Variants in CACNA2D3 observed in about 807,000 individuals in gnomAD.
CACNA2D3 encodes voltage-dependent calcium channel subunit alpha-2/delta-3.
CACNA2D3 carries 60 observed loss-of-function variants against 160.6 expected under a neutral mutation model. The observed-to-expected ratio is 0.37, with a 90% CI of 0.30 to 0.46. The LOEUF (loss-of-function observed/expected upper bound fraction) is 0.46, where lower values mean the gene tolerates loss of function less well. Among genes scored for constraint, CACNA2D3 ranks in the 20% least tolerant of loss-of-function variants. The probability of loss-of-function intolerance (pLI) is 1.00; values close to 1 mark genes in which losing one functional copy is unlikely to be tolerated. For synonymous variants in CACNA2D3, 558 were observed against 492.9 expected, an observed-to-expected ratio of 1.13 and a Z score of -1.75; for missense variants, 1,205 against 1,365.0, an observed-to-expected ratio of 0.88 and a Z score of 1.85.
chr3:54,693,362 C>G (rs1700602928), intron 11 of CACNA2D3, among the ~76,000 whole-genome samples: 1 of 152,304 alleles, frequency 6.6e-6, no homozygotes, highest in Admixed American at 6.5e-5. Context: ...CTGCAGCCAT[C>G]CTGACATGTT....
intron 11 of CACNA2D3, among the ~76,000 whole-genome samples, chr3:54,703,782 C>T (rs1700809448): frequency 6.6e-6 from 1 of 152,136 alleles, no homozygotes; most frequent in South Asian, 2.1e-4. Flanking sequence ...GGCAAGCTCA[C>T]AGTAGAGCAC....
At chr3:54,231,346 TC>T (rs2107392803) in intron 2 of CACNA2D3, among the ~76,000 whole-genome samples, 1 of 152,346 alleles carries the variant, frequency 6.6e-6, no homozygotes, top group South Asian at 2.1e-4. Context: ...GAAGCACAGA[TC>T]CACCATACCT....
At chr3:54,451,422 G>C (rs1410441624) in intron 4 of CACNA2D3, among the ~76,000 whole-genome samples, 1 of 151,326 alleles carries the variant, frequency 6.6e-6, no homozygotes, top group Non-Finnish European at 1.5e-5. Context: ...GCTAATTTTT[G>C]TATTTTTAAA....
At chr3:54,126,677 CTG>C (rs1232049132) in intron 2 of CACNA2D3, among the ~76,000 whole-genome samples, 3 of 152,102 alleles carry the variant, frequency 2.0e-5, no homozygotes, top group Non-Finnish European at 4.4e-5. Context: ...TGGGACTTGT[CTG>C]TGGGCGCTGG....
rs756607664 is a variant in CACNA2D3, at chr3:55,018,299, C to G, written c.2969C>G (p.Ala990Gly). ...RTIKETTGNIACEDCSKSFVI... is the reference protein window; with the variant it reads ...RTIKETTGNIGCEDCSKSFVI... ...ATCAAGGAGACTACAGGGAATATTG[C>G]TTGTGAAGACTGCTCCAAGTAAGCC... The change falls in exon 35 of 38, where the codon GCT (alanine) becomes GGT (glycine). Residue 990 changes from alanine to glycine, a missense_variant. By Grantham distance (60) the Ala-to-Gly change is moderately conservative. Around this residue, in one of 3 missense-constraint regions of CACNA2D3, gnomAD observed 911 missense variants for 1,002.2 expected, o/e 0.91. Coordinates refer to ENST00000474759, the MANE Select transcript of CACNA2D3 (RefSeq NM_018398.3). 1 of 1,608,074 alleles carries G rather than the reference C, an allele frequency of 6.2e-7. No homozygotes were observed. Among genetic ancestry groups the G allele is most frequent in the South Asian group, 1.1e-5 (1 of 90,734 alleles).
chr3:54,553,802 A>C (rs1446466643), intron 5 of CACNA2D3, among the ~76,000 whole-genome samples: 1 of 152,212 alleles, frequency 6.6e-6, no homozygotes, highest in Non-Finnish European at 1.5e-5. Context: ...CTCAAGCACT[A>C]AGGCATCCAT....
intron 17 of CACNA2D3, among the ~76,000 whole-genome samples, chr3:54,854,258 A>G (rs112241361): frequency 6.6e-6 from 1 of 152,220 alleles, no homozygotes; most frequent in African/African-American, 2.4e-5. Flanking sequence ...TTTGGTTTGA[A>G]AAAAAGAAAG....
intron 9 of CACNA2D3, chr3:54,626,442 G>C (rs595040): frequency 0.51 from 804,925 of 1,590,912 alleles, 207,768 homozygotes; most frequent in East Asian, 0.68. Flanking sequence ...AAGTGGTGAA[G>C]ACGCACCTGC....
rs180893963 is a variant in CACNA2D3, at chr3:54,825,506, G to A, written c.1398+8636G>A. Among the ~76,000 whole-genome samples, 15 of 152,204 alleles carry A rather than the reference G, an allele frequency of 9.9e-5. No individual in the cohort carries two copies. In the East Asian group the frequency reaches 1.2e-3, roughly 12 times the overall value. ...GGGTTTTCATTTTGGGGTCTCTTCCGTATTTCTTGGTAGATTTAGAACACC... is the reference window on the plus strand; with the variant it reads ...GGGTTTTCATTTTGGGGTCTCTTCCATATTTCTTGGTAGATTTAGAACACC... On this transcript the variant is annotated intron_variant, in intron 14 of 37. Coordinates refer to ENST00000474759, the MANE Select transcript of CACNA2D3 (RefSeq NM_018398.3).
intron 29 of CACNA2D3, among the ~76,000 whole-genome samples, chr3:54,974,345 T>C (rs1024191903): frequency 6.6e-6 from 1 of 152,228 alleles, no homozygotes; most frequent in African/African-American, 2.4e-5. Flanking sequence ...TAGTTGGTGC[T>C]ATCTCCATCT....
chr3:54,211,187 CAT>C (rs982666761), intron 2 of CACNA2D3, among the ~76,000 whole-genome samples: 1 of 151,336 alleles, frequency 6.6e-6, no homozygotes, highest in African/African-American at 2.4e-5. Context: ...TTTTTTTTAA[CAT>C]GTGATAGCAC....
At chr3:54,213,534 T>C (rs897796775) in intron 2 of CACNA2D3, among the ~76,000 whole-genome samples, 2 of 152,218 alleles carry the variant, frequency 1.3e-5, no homozygotes, top group Non-Finnish European at 2.9e-5. Flanking sequence ...GTCCTTTCTT[T>C]CTTCCTGTGG....
At chr3:54,322,011 G>A (rs6445647) in intron 3 of CACNA2D3, among the ~76,000 whole-genome samples, 1 of 151,106 alleles carries the variant, frequency 6.6e-6, no homozygotes, top group Non-Finnish European at 1.5e-5. Flanking sequence ...GTGAATCACA[G>A]AATTTTAGAG....
At chr3:54,377,077 C>T (rs1403940107) in intron 3 of CACNA2D3, among the ~76,000 whole-genome samples, 1 of 152,224 alleles carries the variant, frequency 6.6e-6, no homozygotes, top group Non-Finnish European at 1.5e-5. Context: ...AGCTGCCTGC[C>T]ACACTCACCA....
intron 4 of CACNA2D3, among the ~76,000 whole-genome samples, chr3:54,406,350 A>C (rs1257001017): frequency 6.6e-6 from 1 of 152,120 alleles, no homozygotes; most frequent in Non-Finnish European, 1.5e-5. Context: ...ATATATGTAT[A>C]TAGTGTGTAT....
At chr3:54,873,928 T>A (rs558846023) in intron 18 of CACNA2D3, among the ~76,000 whole-genome samples, 2 of 152,298 alleles carry the variant, frequency 1.3e-5, no homozygotes, top group East Asian at 3.9e-4. Context: ...ATCTTACATA[T>A]CCATGTGCTG....
chr3:54,707,749 T>A (rs923748400), intron 11 of CACNA2D3, among the ~76,000 whole-genome samples: 1 of 152,146 alleles, frequency 6.6e-6, no homozygotes, highest in African/African-American at 2.4e-5. Flanking sequence ...TTTCACTATG[T>A]GGGGTAGCTT....
At chr3:54,408,143 A>T (rs999494390) in intron 4 of CACNA2D3, among the ~76,000 whole-genome samples, 13 of 152,174 alleles carry the variant, frequency 8.5e-5, no homozygotes, top group African/African-American at 2.9e-4. Context: ...TCAAATTTCA[A>T]TTGTGATAAG....
intron 2 of CACNA2D3, among the ~76,000 whole-genome samples, chr3:54,148,498 A>G (rs759333384): frequency 2.6e-4 from 39 of 152,168 alleles, no homozygotes; most frequent in African/African-American, 1.9e-4. Context: ...AGCATGTGGC[A>G]GGGGGTTGGG....
Sources: gnomAD v4.1 joint callset for allele counts (sites outside exome capture counted in the v4.1 genomes callset) on GRCh38, gnomAD v4.1.1 for gene constraint, gnomAD v4.1.1 regional missense constraint, MANE v1.5 for transcripts, NCBI Gene and HGNC (gene_info 2026-07-23, HGNC 2026-07-21) for gene names.